KAT6A: variants seen among roughly 807,000 people sequenced by gnomAD.
KAT6A encodes lysine acetyltransferase 6A, also known as histone acetyltransferase KAT6A.
Under a neutral mutation model 198.4 loss-of-function variants are expected in KAT6A, and 9 were observed. The observed-to-expected ratio is 0.05, with a 90% CI of 0.03 to 0.08. The LOEUF (loss-of-function observed/expected upper bound fraction) is 0.08. Among genes scored for constraint, KAT6A ranks in the 10% least tolerant of loss-of-function variants. The pLI is 1.00. For synonymous variants in KAT6A, 890 were observed against 883.0 expected, an observed-to-expected ratio of 1.01 and a Z score of -0.14; for missense variants, 2,077 against 2,509.9, an observed-to-expected ratio of 0.83 and a Z score of 3.69.
rs2150857216 is a variant in KAT6A, at chr8:41,934,848, T to C, written c.3372A>G (p.Pro1124=). Residue 1124 remains proline, a synonymous_variant, in exon 17 of 17, where the codon CCA becomes CCG. Transcript: ENST00000265713. ...DDADDTPILK[P]VSLLRKRDVK... Reference sequence around the variant, plus strand: ...CATCACGTTTTCGCAAAAGAGATACTGGCTTTAAGATAGGAGTGTCTATAC... The same window carrying C: ...CATCACGTTTTCGCAAAAGAGATACCGGCTTTAAGATAGGAGTGTCTATAC... 1 of 1,611,066 alleles carries C rather than the reference T, an allele frequency of 6.2e-7. No homozygotes were observed. The highest frequency in any genetic ancestry group is 2.2e-5 in the East Asian group (1 of 44,872).
chr8:41,931,035 C>A lies in KAT6A; in HGVS notation c.*1170G>T, dbSNP rs1257132112. The stretch of plus-strand genomic sequence containing the variant: ...ATAGCTACGAAACTCACACCGTGAT[C>A]TCCCTTCTGACACACATCTGCGCCA... On this transcript the variant is annotated 3_prime_UTR_variant, in exon 17 of 17. Coordinates refer to ENST00000265713, the MANE Select transcript of KAT6A (RefSeq NM_006766.5). 4.6e-6 allele frequency: 1 copy of A among 217,178 alleles called. No individual in the cohort carries two copies. Among genetic ancestry groups the A allele is most frequent in the Non-Finnish European group, 9.3e-6 (1 of 107,934 alleles). The allele number at this position is 217,178 out of a possible 1,614,324, so 13.5% of individuals were successfully genotyped here.
At chr8:41,992,744 G>C (rs1235613892) in intron 2 of KAT6A, among the ~76,000 whole-genome samples, 1 of 152,186 alleles carries the variant, frequency 6.6e-6, no homozygotes, top group African/African-American at 2.4e-5. Context: ...AGGGAAGCTA[G>C]AGGGAAGACT....
chr8:41,969,942 T>C (rs944342878), intron 8 of KAT6A, among the ~76,000 whole-genome samples: 1 of 152,234 alleles, frequency 6.6e-6, no homozygotes, highest in South Asian at 2.1e-4. Flanking sequence ...TTTGGAACTA[T>C]GTATAAATTG....
intron 4 of KAT6A, among the ~76,000 whole-genome samples, chr8:41,981,310 T>A (rs1274049019): frequency 6.6e-6 from 1 of 152,128 alleles, no homozygotes. Flanking sequence ...AGAGTGAGAC[T>A]CCTTCTCAAA....
intron 3 of KAT6A, among the ~76,000 whole-genome samples, chr8:41,985,674 C>A (rs1824565795): frequency 6.6e-6 from 1 of 152,188 alleles, no homozygotes; most frequent in Non-Finnish European, 1.5e-5. Context: ...CACAGTAACT[C>A]CTCAGATGGG....
At chr8:42,015,148 C>A (rs1352946803) in intron 2 of KAT6A, among the ~76,000 whole-genome samples, 1 of 152,198 alleles carries the variant, frequency 6.6e-6, no homozygotes, top group Non-Finnish European at 1.5e-5. Flanking sequence ...ATGTTATCCA[C>A]AAAAACTTCT....
chr8:41,948,025 T>G, intron 10 of KAT6A, 113 bp from the exon 11 acceptor site: 1 of 810,474 alleles, frequency 1.2e-6, no homozygotes, highest in Non-Finnish European at 1.8e-6. Context: ...GGAGAAGGTG[T>G]CCATGACCAG....
intron 2 of KAT6A, among the ~76,000 whole-genome samples, chr8:42,004,729 C>A (rs1051992420): frequency 6.6e-6 from 1 of 152,120 alleles, no homozygotes; most frequent in Non-Finnish European, 1.5e-5. Flanking sequence ...AGTTTGAGAG[C>A]AGCCTGGCCA....
rs754897829 is a variant in KAT6A, at chr8:41,978,671, T to C, written c.1014A>G (p.Pro338=). 5.6e-6 allele frequency: 9 copies of C among 1,614,026 alleles called. No individual in the cohort carries two copies. The highest frequency in any genetic ancestry group is 1.3e-5 in the African/African-American group (1 of 74,934). Residue 338 remains proline (P), a synonymous_variant, in exon 6 of 17, where the codon CCA becomes CCG. Transcript: ENST00000265713. ...KRRYTNPIGR[P]KNRLKKQNTV... ...TGTTTTGTTTCTTTAACCTGTTTTT[T>C]GGACGTCCTATTGGATTAGTATAGC...
intron 2 of KAT6A, among the ~76,000 whole-genome samples, chr8:42,042,391 G>A (rs1242582924): frequency 6.6e-6 from 1 of 150,914 alleles, no homozygotes; most frequent in Non-Finnish European, 1.5e-5. Flanking sequence ...CCAGGAGGTG[G>A]AGGTTGCACC....
chr8:41,976,757 T>A (rs552303981), intron 7 of KAT6A, among the ~76,000 whole-genome samples: 1 of 152,322 alleles, frequency 6.6e-6, no homozygotes, highest in East Asian at 1.9e-4. Flanking sequence ...AGATTCTTTG[T>A]GGTTCTACAA....
chr8:42,037,974 C>T (rs1344329950), intron 2 of KAT6A, among the ~76,000 whole-genome samples: 1 of 152,188 alleles, frequency 6.6e-6, no homozygotes, highest in Non-Finnish European at 1.5e-5. Flanking sequence ...ACAAATCTCT[C>T]AAGCTCCTCC....
In KAT6A at chr8:41,937,518, A is replaced by C. The variant is rs1408659965; in HGVS notation, c.3090T>G (p.Asn1030Lys). 1 of 1,614,056 alleles carries C rather than the reference A, an allele frequency of 6.2e-7. No homozygotes were observed. The highest frequency in any genetic ancestry group is 2.2e-5 in the East Asian group (1 of 44,874). ...AAATAGTTTCTGTGACTACACTGCT[A>C]TTGTGGTGTTTGCGCTTTCGGACTC... ...RRRVRKRKHH[N>K]SSVVTETISE... The change falls in exon 16 of 17, where the codon AAT becomes AAG. Residue 1030 changes from asparagine (N) to lysine (K), a missense_variant. This residue lies in a region of KAT6A where 19 missense variants were observed against 40.5 expected (regional missense o/e 0.47). Coordinates refer to ENST00000265713, the MANE Select transcript of KAT6A (RefSeq NM_006766.5).
chr8:42,015,403 C>G (rs536284384), intron 2 of KAT6A, among the ~76,000 whole-genome samples: 5 of 152,214 alleles, frequency 3.3e-5, no homozygotes, highest in African/African-American at 9.6e-5. Context: ...AGATCCTATA[C>G]AAAGTCTTTC....
intron 2 of KAT6A, chr8:42,043,694 G>A (rs1163934871): frequency 6.6e-6 from 1 of 152,174 alleles, no homozygotes; most frequent in Non-Finnish European, 1.5e-5. Flanking sequence ...GGACATTCAC[G>A]ATTCTGTACT....
intron 2 of KAT6A, among the ~76,000 whole-genome samples, chr8:42,015,488 G>GA (rs1826229113): frequency 6.6e-6 from 1 of 152,332 alleles, no homozygotes; most frequent in East Asian, 1.9e-4. Context: ...AAAGATGTAA[G>GA]AGACACTGAA....
At chr8:41,985,782 C>T (rs1343046712) in intron 3 of KAT6A, among the ~76,000 whole-genome samples, 1 of 152,224 alleles carries the variant, frequency 6.6e-6, no homozygotes, top group Non-Finnish European at 1.5e-5. Flanking sequence ...AATTCTTATA[C>T]TTAACTTCCT....
intron 16 of KAT6A, 22 bp from the exon 17 acceptor site, chr8:41,934,889 C>A (rs758753187): frequency 5.8e-6 from 9 of 1,551,710 alleles, no homozygotes; most frequent in East Asian, 4.5e-5. Context: ...GGAAAAAAAA[C>A]AAAGACAGGT....
intron 8 of KAT6A, among the ~76,000 whole-genome samples, chr8:41,967,087 G>C (rs1009528682): frequency 6.6e-6 from 1 of 151,984 alleles, no homozygotes; most frequent in African/African-American, 2.4e-5. Context: ...AAAATGCTCT[G>C]TAACTTTCCA....
Sources: allele counts gnomAD v4.1 joint callset (sites outside exome capture counted in the v4.1 genomes callset), GRCh38; gene constraint gnomAD v4.1.1; regional missense constraint gnomAD v4.1.1; transcripts MANE v1.5; gene names NCBI Gene and HGNC (gene_info 2026-07-23, HGNC 2026-07-21).